Variants in DPP6 observed in about 807,000 individuals in gnomAD.
DPP6 encodes A-type potassium channel modulatory protein DPP6.
Under a neutral mutation model 122.6 loss-of-function variants are expected in DPP6, and 69 were observed. The observed-to-expected ratio is 0.56, with a 90% CI of 0.46 to 0.69. DPP6 has a LOEUF of 0.69. Ranked by LOEUF, DPP6 falls within the 30% of genes least tolerant of loss-of-function variation. The pLI is 0.00. For missense variants in DPP6, 928 were observed against 1,116.9 expected, an observed-to-expected ratio of 0.83 and a Z score of 2.41; for synonymous variants, 418 against 433.1, an observed-to-expected ratio of 0.97 and a Z score of 0.43.
exon 1 of DPP6, chr7:153,887,498 G>C: frequency 1.7e-6 from 1 of 575,374 alleles, no homozygotes; most frequent in Non-Finnish European, 3.1e-6. Context: ...ATTGGGATCC[G>C]CTGAGTAAAG....
At chr7:154,041,821 A>T (rs923830576) in intron 1 of DPP6, among the ~76,000 whole-genome samples, 2 of 151,850 alleles carry the variant, frequency 1.3e-5, no homozygotes, top group Non-Finnish European at 2.9e-5. Flanking sequence ...GTGAGTGGTG[A>T]AATCCTGGCT....
chr7:154,823,109 A>G (rs1799908481), intron 16 of DPP6, among the ~76,000 whole-genome samples: 1 of 152,252 alleles, frequency 6.6e-6, no homozygotes, highest in Non-Finnish European at 1.5e-5. Context: ...TTACAATGAA[A>G]GCTGCTTCTC....
chr7:154,272,418 G>A (rs1803855341), intron 1 of DPP6, among the ~76,000 whole-genome samples: 1 of 152,142 alleles, frequency 6.6e-6, no homozygotes, highest in South Asian at 2.1e-4. Flanking sequence ...AATCCGAGGG[G>A]AAGCATTTTG....
intron 10 of DPP6, among the ~76,000 whole-genome samples, chr7:154,791,978 A>G (rs1797710388): frequency 6.6e-6 from 1 of 152,276 alleles, no homozygotes; most frequent in African/African-American, 2.4e-5. Flanking sequence ...TATTTGGCCT[A>G]GATGAAGATT....
At chr7:153,911,123 A>G (rs1585019153) in intron 1 of DPP6, among the ~76,000 whole-genome samples, 1 of 152,226 alleles carries the variant, frequency 6.6e-6, no homozygotes, top group African/African-American at 2.4e-5. Flanking sequence ...AGAGGCCTCC[A>G]GCCTGACCCC....
chr7:154,323,401 G>A (rs1008116999), intron 1 of DPP6, among the ~76,000 whole-genome samples: 40 of 152,160 alleles, frequency 2.6e-4, no homozygotes, highest in African/African-American at 9.2e-4. Flanking sequence ...CGAGTGTTCC[G>A]TTGACTGTGT....
At chr7:154,644,321 T>C (rs1357409868) in intron 6 of DPP6, among the ~76,000 whole-genome samples, 4 of 152,218 alleles carry the variant, frequency 2.6e-5, no homozygotes, top group Admixed American at 2.6e-4. Flanking sequence ...TATGAGTAGC[T>C]GGTGTTCTCT....
chr7:154,638,340 T>C (rs1405245090), intron 6 of DPP6, among the ~76,000 whole-genome samples: 2 of 152,180 alleles, frequency 1.3e-5, no homozygotes, highest in East Asian at 3.9e-4. Flanking sequence ...TACGGTAAAC[T>C]ACTCTGGTCA....
chr7:154,648,672 C>G (rs1165803360), intron 6 of DPP6, among the ~76,000 whole-genome samples: 2 of 152,138 alleles, frequency 1.3e-5, no homozygotes, highest in East Asian at 3.9e-4. Flanking sequence ...GTAATCCCAG[C>G]ACTTTCGGAG....
intron 1 of DPP6, among the ~76,000 whole-genome samples, chr7:154,041,865 T>C (rs921771009): frequency 6.6e-6 from 1 of 152,078 alleles, no homozygotes; most frequent in African/African-American, 2.4e-5. Flanking sequence ...TTCAAGTGAT[T>C]CTCCTGCCTC....
chr7:154,631,522 G>T (rs1177099596), intron 5 of DPP6, among the ~76,000 whole-genome samples: 1 of 152,084 alleles, frequency 6.6e-6, no homozygotes, highest in Non-Finnish European at 1.5e-5. Context: ...CAAGAAGGAG[G>T]CTGGGTGCAG....
intron 1 of DPP6, among the ~76,000 whole-genome samples, chr7:154,116,409 T>G (rs1406704523): frequency 6.6e-6 from 1 of 152,260 alleles, no homozygotes; most frequent in African/African-American, 2.4e-5. Flanking sequence ...GAACCATTTA[T>G]GTTCTGGCCT....
chr7:154,581,410 A>C (rs1193673551), intron 5 of DPP6, among the ~76,000 whole-genome samples: 1 of 152,152 alleles, frequency 6.6e-6, no homozygotes, highest in African/African-American at 2.4e-5. Context: ...CCTGCCTGCC[A>C]TGGTCCTCCC....
chr7:154,545,565 G>A (rs969723020), intron 4 of DPP6, among the ~76,000 whole-genome samples: 2 of 143,906 alleles, frequency 1.4e-5, no homozygotes, highest in African/African-American at 5.2e-5. Context: ...ACATTTTGCT[G>A]AACTAAATAG....
At chr7:153,790,935 G>C in the DPP6 span, among the ~76,000 whole-genome samples, 3 of 152,082 alleles carry the variant, frequency 2.0e-5, no homozygotes, top group Admixed American at 2.0e-4. Context: ...TCATTTCTAC[G>C]GAGCAACTAG....
At chr7:153,940,205 G>A (rs1018225784) in intron 1 of DPP6, among the ~76,000 whole-genome samples, 2 of 152,156 alleles carry the variant, frequency 1.3e-5, no homozygotes, top group East Asian at 1.9e-4. Context: ...TCAGTCCACC[G>A]AAAAGCTGGT....
the DPP6 span, among the ~76,000 whole-genome samples, chr7:153,794,614 G>A: frequency 6.6e-6 from 1 of 152,226 alleles, no homozygotes; most frequent in African/African-American, 2.4e-5. Flanking sequence ...AAGACTTTGG[G>A]GGACTGTTGG....
intron 12 of DPP6, among the ~76,000 whole-genome samples, chr7:154,799,917 C>A (rs112358078): frequency 3.0e-4 from 45 of 152,304 alleles, no homozygotes; most frequent in African/African-American, 8.7e-4. Context: ...ACCTGTGTTC[C>A]GAGGAATGTT....
the DPP6 span, among the ~76,000 whole-genome samples, chr7:153,838,822 A>G: frequency 6.6e-6 from 1 of 152,226 alleles, no homozygotes; most frequent in African/African-American, 2.4e-5. Context: ...AGCTTAAACT[A>G]AAATAAAGGA....
Sources: gnomAD v4.1 joint callset for allele counts (sites outside exome capture counted in the v4.1 genomes callset) on GRCh38, gnomAD v4.1.1 for gene constraint, MANE v1.5 for transcripts, NCBI Gene and HGNC (gene_info 2026-07-23, HGNC 2026-07-21) for gene names.